Variants in LRP1B observed in about 807,000 individuals in gnomAD.
The protein encoded by LRP1B is LDL receptor related protein 1B.
Under a neutral mutation model 556.6 loss-of-function variants are expected in LRP1B, and 217 were observed. The observed-to-expected ratio is 0.39, with a 90% CI of 0.35 to 0.44. The LOEUF (loss-of-function observed/expected upper bound fraction) is 0.44, where lower values mean the gene tolerates loss of function less well. Among genes scored for constraint, LRP1B ranks in the 20% least tolerant of loss-of-function variants. The pLI is 1.00. For missense variants in LRP1B, 5,053 were observed against 5,620.8 expected, an observed-to-expected ratio of 0.90 and a Z score of 3.23; for synonymous variants, 2,047 against 1,865.8, an observed-to-expected ratio of 1.10 and a Z score of -2.50.
intron 2 of LRP1B, among the ~76,000 whole-genome samples, chr2:141,580,422 A>G (rs960944044): frequency 3.0e-4 from 46 of 152,344 alleles, no homozygotes; most frequent in African/African-American, 1.1e-3. Context: ...AAATAATTTG[A>G]TCAACTTAAT....
chr2:141,333,667 AAT>A, intron 3 of LRP1B, among the ~76,000 whole-genome samples: 1 of 152,200 alleles, frequency 6.6e-6, no homozygotes, highest in East Asian at 1.9e-4. Flanking sequence ...GTGAAACTAA[AAT>A]AGTTAGATAA....
At chr2:141,122,111 T>C (rs1472935601) in intron 7 of LRP1B, among the ~76,000 whole-genome samples, 29 of 152,236 alleles carry the variant, frequency 1.9e-4, no homozygotes, top group South Asian at 6.2e-4. Context: ...CAAGATGGAT[T>C]AAAGACTTAA....
intron 63 of LRP1B, among the ~76,000 whole-genome samples, chr2:140,445,517 A>T (rs541422942): frequency 6.6e-6 from 1 of 152,308 alleles, no homozygotes; most frequent in Non-Finnish European, 1.5e-5. Flanking sequence ...CGATTATTAT[A>T]CAAGAGAACA....
intron 84 of LRP1B, among the ~76,000 whole-genome samples, chr2:140,297,359 G>T (rs1683650516): frequency 6.6e-6 from 1 of 152,104 alleles, no homozygotes; most frequent in Non-Finnish European, 1.5e-5. Context: ...AGAGTCAATG[G>T]ATTAGGGAAC....
chr2:141,695,162 G>A (rs572450789), intron 2 of LRP1B, among the ~76,000 whole-genome samples: 45 of 151,516 alleles, frequency 3.0e-4, no homozygotes, highest in African/African-American at 1.1e-3. Flanking sequence ...AACTATAATT[G>A]TCTACAGCTG....
chr2:140,299,642 AAAAC>A (rs1353009000), intron 83 of LRP1B, among the ~76,000 whole-genome samples: 1 of 152,142 alleles, frequency 6.6e-6, no homozygotes, highest in African/African-American at 2.4e-5. Context: ...TAGTAGGTGA[AAAAC>A]AAAGCTACAG....
At chr2:141,940,353 C>A (rs1296886265) in intron 1 of LRP1B, among the ~76,000 whole-genome samples, 1 of 152,072 alleles carries the variant, frequency 6.6e-6, no homozygotes, top group Non-Finnish European at 1.5e-5. Flanking sequence ...CAATGACGTA[C>A]TAACTAATGA....
At chr2:141,433,284 A>G (rs1196628944) in intron 3 of LRP1B, among the ~76,000 whole-genome samples, 1 of 152,024 alleles carries the variant, frequency 6.6e-6, no homozygotes, top group African/African-American at 2.4e-5. Context: ...AAATGTACCA[A>G]GGCTTATTTC....
At chr2:141,441,115 T>C (rs1419247810) in intron 3 of LRP1B, among the ~76,000 whole-genome samples, 1 of 152,120 alleles carries the variant, frequency 6.6e-6, no homozygotes, top group Non-Finnish European at 1.5e-5. Context: ...CTTGCTCTGT[T>C]GCCTAGGCTA....
chr2:141,778,930 A>G (rs1427829896), intron 2 of LRP1B, among the ~76,000 whole-genome samples: 1 of 152,174 alleles, frequency 6.6e-6, no homozygotes, highest in Non-Finnish European at 1.5e-5. Context: ...TAGAATCACT[A>G]AGAGTGGGTG....
intron 66 of LRP1B, among the ~76,000 whole-genome samples, chr2:140,403,897 G>A (rs1241430413): frequency 6.6e-6 from 1 of 152,080 alleles, no homozygotes; most frequent in Non-Finnish European, 1.5e-5. Context: ...GTAGCATAAA[G>A]GAAAACCAGA....
chr2:141,574,146 A>G (rs1263755848), intron 2 of LRP1B, among the ~76,000 whole-genome samples: 1 of 152,228 alleles, frequency 6.6e-6, no homozygotes, highest in African/African-American at 2.4e-5. Flanking sequence ...CAACAAAAAA[A>G]GAGAACTTCA....
chr2:141,655,683 C>A (rs951545878), intron 2 of LRP1B, among the ~76,000 whole-genome samples: 1 of 151,882 alleles, frequency 6.6e-6, no homozygotes, highest in East Asian at 1.9e-4. Context: ...GAATCATAGG[C>A]TTTTTCTTTT....
chr2:141,888,896 G>A (rs962111431), intron 1 of LRP1B, among the ~76,000 whole-genome samples: 4 of 152,020 alleles, frequency 2.6e-5, no homozygotes, highest in South Asian at 2.1e-4. Flanking sequence ...AGCTATTGAC[G>A]GCCAACCAGC....
At chr2:140,450,487 T>A (rs1170818672) in intron 63 of LRP1B, 81 bp downstream of exon 63, 10 of 1,034,878 alleles carry the variant, frequency 9.7e-6, no homozygotes, top group Admixed American at 2.0e-5. Context: ...AAGGCAATAC[T>A]TTAGGTGTAG....
intron 10 of LRP1B, 63 bp downstream of exon 10, chr2:141,055,053 T>G: frequency 6.4e-7 from 1 of 1,572,724 alleles, no homozygotes; most frequent in African/African-American, 1.4e-5. Flanking sequence ...TGCTGCTAAT[T>G]AATACTTAAA....
rs1553518124 is a variant in LRP1B at position 141,463,590 on chromosome 2, A to ATT, written c.343+16805_343+16806insAA. ...TTATATATTATATATAATTATATAT[A>ATT]ATATATATTATATATTATATATAAT... On this transcript the variant is annotated intron_variant, in intron 3 of 90. Coordinates refer to ENST00000389484, the MANE Select transcript of LRP1B (RefSeq NM_018557.3). Among the ~76,000 whole-genome samples, 282 of 28,608 alleles carry ATT rather than the reference A, an allele frequency of 9.9e-3. 2 individuals are homozygous for ATT. Among genetic ancestry groups the ATT allele is most frequent in the African/African-American group, 0.046 (266 of 5,776 alleles). 18.8% of individuals were successfully genotyped at this position (28,608 alleles called of 152,430 possible). A position where few individuals can be genotyped will look rare whatever the true frequency, so the allele number is the denominator to read the frequency against.
chr2:141,508,089 C>CCA (rs1455160564), intron 2 of LRP1B, among the ~76,000 whole-genome samples: 1 of 20,718 alleles, frequency 4.8e-5, no homozygotes, highest in Non-Finnish European at 1.4e-4. Flanking sequence ...CCATCCCCCC[C>CCA]CCAAAAAAAA....
intron 60 of LRP1B, among the ~76,000 whole-genome samples, chr2:140,467,936 T>A (rs1014493336): frequency 6.6e-6 from 1 of 152,188 alleles, no homozygotes; most frequent in Non-Finnish European, 1.5e-5. Flanking sequence ...AGCCTGGCCA[T>A]CTTGTTAAGA....
Sources: gnomAD v4.1 joint callset for allele counts (sites outside exome capture counted in the v4.1 genomes callset) on GRCh38, gnomAD v4.1.1 for gene constraint, MANE v1.5 for transcripts, NCBI Gene and HGNC (gene_info 2026-07-23, HGNC 2026-07-21) for gene names.